Variants in SMAD1 observed in about 807,000 individuals in gnomAD.
SMAD1 encodes the protein SMAD family member 1, also known as MAD, mothers against decapentaplegic homolog 1.
A neutral mutation model predicts 41.6 loss-of-function variants in SMAD1; 6 were observed. That is an observed-to-expected ratio of 0.14 (90% CI 0.08 to 0.28). The LOEUF is 0.28. SMAD1 is among the 10% of genes least tolerant of loss of function. SMAD1 has a pLI of 1.00. For synonymous variants in SMAD1, 206 were observed against 203.2 expected (o/e 1.01, Z -0.12); for missense variants, 379 against 582.6 (o/e 0.65, Z 3.60).
chr4:145,521,458 C>T (rs375397867), intron 2 of SMAD1, among the ~76,000 whole-genome samples: 12 of 152,148 alleles, frequency 7.9e-5, no homozygotes, highest in African/African-American at 2.9e-4. Flanking sequence ...AAGGCATTAG[C>T]TTCCAGGTGC....
In SMAD1 at chr4:145,496,276, G is replaced by A. The variant is rs188176304; in HGVS notation, c.-177+14238G>A. ...ACTCTGCCTTATGCATCAAACCAAG[G>A]GGGGGACTACTGTGGAGAAGCAGTA... is the stretch of plus-strand genomic sequence containing the variant. On this transcript the variant is annotated intron_variant, in intron 1 of 6. Coordinates refer to ENST00000302085, the MANE Select transcript of SMAD1 (RefSeq NM_005900.3). Among the ~76,000 whole-genome samples the A allele has an allele frequency of 2.1e-3, 313 of 152,222 alleles. 2 individuals are homozygous for A. The highest frequency in any genetic ancestry group is 7.3e-3 in the African/African-American group (304 of 41,516).
chr4:145,512,065 G>T (rs1236510525), intron 1 of SMAD1, among the ~76,000 whole-genome samples: 1 of 152,116 alleles, frequency 6.6e-6, no homozygotes, highest in African/African-American at 2.4e-5. Context: ...TTTACGTTTG[G>T]CACTAATGAT....
chr4:145,540,015 T>C lies in SMAD1; in HGVS notation c.612T>C (p.Pro204=), dbSNP rs1034362615. The change falls in exon 3 of 7, where the codon CCT becomes CCC. Residue 204 remains proline (P), a synonymous_variant. Transcript: ENST00000302085. ...CTGGGAGCAGCAGCAGCACCTACCCTCACTCTCCCACCAGCTCAGACCCAG... is the reference window on the plus strand; with the variant it reads ...CTGGGAGCAGCAGCAGCACCTACCCCCACTCTCCCACCAGCTCAGACCCAG... ...NSPGSSSSTY[P]HSPTSSDPGS... 7.4e-6 allele frequency: 12 copies of C among 1,614,024 alleles called. No homozygotes were observed. The highest frequency in any genetic ancestry group is 1.0e-5 in the Non-Finnish European group (12 of 1,179,976).
chr4:145,556,428 C>T (rs1732840547), intron 6 of SMAD1, among the ~76,000 whole-genome samples: 1 of 151,844 alleles, frequency 6.6e-6, no homozygotes, highest in South Asian at 2.1e-4. Context: ...CATACAAGTT[C>T]TGATGTTCAG....
intron 2 of SMAD1, among the ~76,000 whole-genome samples, chr4:145,529,119 CTAGT>C (rs1391616222): frequency 6.6e-6 from 1 of 152,094 alleles, no homozygotes; most frequent in Non-Finnish European, 1.5e-5. Flanking sequence ...GTAAATTGCC[CTAGT>C]TAATCGGCTA....
At chr4:145,484,389 C>CTGGTG (rs1728360036) in intron 1 of SMAD1, 1 of 152,164 alleles carries the variant, frequency 6.6e-6, no homozygotes, top group African/African-American at 2.4e-5. Flanking sequence ...CAGCACTGAA[C>CTGGTG]TGGTGCAAAA....
intron 2 of SMAD1, among the ~76,000 whole-genome samples, chr4:145,530,855 C>T (rs1350144131): frequency 6.6e-6 from 1 of 152,230 alleles, no homozygotes; most frequent in Non-Finnish European, 1.5e-5. Flanking sequence ...TGATTCACAT[C>T]CTGGCCCTCA....
In SMAD1 at chr4:145,546,745, C is replaced by T; in HGVS notation, c.818C>T (p.Ser273Phe). 1 of 1,613,940 alleles carries T rather than the reference C, an allele frequency of 6.2e-7. No individual in the cohort carries two copies. Among genetic ancestry groups the T allele is most frequent in the Non-Finnish European group, 8.5e-7 (1 of 1,180,008 alleles). Residue 273 changes from serine to phenylalanine, a missense_variant, in exon 5 of 7, where the codon TCT (serine) becomes TTT (phenylalanine). Ser to Phe is a radical substitution (Grantham distance 155, BLOSUM62 -2). This residue lies in a region of SMAD1 where 208 missense variants were observed against 210.5 expected (regional missense o/e 0.99). Transcript: ENST00000302085. ...VAYEEPKHWC[S>F]IVYYELNNRV... ...TATGAGGAACCAAAACACTGGTGCT[C>T]TATTGTCTACTATGAGCTCAACAAT...
rs1730590773 is a variant in SMAD1, at chr4:145,519,203, C to T, written c.400+4190C>T. Among the ~76,000 whole-genome samples the T allele has an allele frequency of 2.6e-5, 2 of 77,260 alleles. 1 individual carries two copies. Among genetic ancestry groups the T allele is most frequent in the Non-Finnish European group, 7.9e-5 (2 of 25,426 alleles). 50.7% of individuals were successfully genotyped at this position (77,260 alleles called of 152,430 possible). A position where few individuals can be genotyped will look rare whatever the true frequency, so the allele number is the denominator to read the frequency against. On this transcript the variant is annotated intron_variant, in intron 2 of 6. Coordinates refer to ENST00000302085, the MANE Select transcript of SMAD1 (RefSeq NM_005900.3). ...CTCTGCCTCCCAGGATCAAGAGATT[C>T]TCCTGCCTCAGCCTCCCGAGTAGCT...
At chr4:145,541,120 A>G (rs746499374) in intron 3 of SMAD1, among the ~76,000 whole-genome samples, 67 of 152,096 alleles carry the variant, frequency 4.4e-4, no homozygotes, top group Non-Finnish European at 8.4e-4. Context: ...CTTCCTCCTC[A>G]CCACTAACCT....
chr4:145,489,541 A>G (rs144364031), intron 1 of SMAD1, among the ~76,000 whole-genome samples: 171 of 152,362 alleles, frequency 1.1e-3, no homozygotes, highest in African/African-American at 3.9e-3. Context: ...GTAATGAGAA[A>G]GAGATGTCGG....
chr4:145,553,094 T>C (rs1487615637), intron 5 of SMAD1, among the ~76,000 whole-genome samples: 1 of 149,584 alleles, frequency 6.7e-6, no homozygotes, highest in African/African-American at 2.4e-5. Context: ...TTTTTTTTTT[T>C]GTGGAGATGG....
chr4:145,534,358 CTTAAT>C (rs999583975), intron 2 of SMAD1, among the ~76,000 whole-genome samples: 11 of 152,246 alleles, frequency 7.2e-5, no homozygotes, highest in African/African-American at 2.4e-4. Context: ...TTAATCTTTA[CTTAAT>C]TTATGTATAT....
At chr4:145,491,644 G>A (rs930328803) in intron 1 of SMAD1, among the ~76,000 whole-genome samples, 11 of 152,148 alleles carry the variant, frequency 7.2e-5, no homozygotes, top group Non-Finnish European at 1.5e-4. Flanking sequence ...AATCTGGAGT[G>A]TCAAGGAGGT....
Position 145,487,617 on chromosome 4 carries a change from A to G in SMAD1, c.-177+5579A>G, listed in dbSNP as rs142089216. Among the ~76,000 whole-genome samples the G allele has an allele frequency of 6.6e-5, 10 of 152,338 alleles. No homozygotes were observed. The East Asian group carries it at 1.9e-3, about 29-fold the overall frequency. The stretch of plus-strand genomic sequence containing the variant: ...CAGCAAAAATACCTGAAGTATTTTC[A>G]TCACTCTGCTGTAGCCACCTTTAAA... On this transcript the variant is annotated intron_variant, in intron 1 of 6. Coordinates refer to ENST00000302085, the MANE Select transcript of SMAD1 (RefSeq NM_005900.3).
At chr4:145,492,005 TA>T (rs1387229084) in intron 1 of SMAD1, among the ~76,000 whole-genome samples, 3 of 151,822 alleles carry the variant, frequency 2.0e-5, no homozygotes, top group African/African-American at 7.3e-5. Context: ...TAAAACCTTA[TA>T]ATGTTTAAAA....
chr4:145,526,023 T>C (rs1442955039), intron 2 of SMAD1, among the ~76,000 whole-genome samples: 2 of 152,206 alleles, frequency 1.3e-5, no homozygotes, highest in Non-Finnish European at 2.9e-5. Context: ...CTAAAACAGC[T>C]CTCCAAGAGA....
At chr4:145,487,062 A>T (rs1052310752) in intron 1 of SMAD1, among the ~76,000 whole-genome samples, 1 of 152,166 alleles carries the variant, frequency 6.6e-6, no homozygotes, top group Non-Finnish European at 1.5e-5. Context: ...AGAAATGCTT[A>T]TTTTCTACAT....
In SMAD1 at chr4:145,546,683, T is replaced by G. The variant is rs751359471; in HGVS notation, c.776-20T>G. 2.5e-6 allele frequency: 4 copies of G among 1,584,680 alleles called. No individual in the cohort carries two copies. Among genetic ancestry groups the G allele is most frequent in the African/African-American group, 1.3e-5 (1 of 74,434 alleles). On this transcript the variant is annotated intron_variant, in intron 4 of 6. Transcript: ENST00000302085. ...CCTGAGGCACTAACCTTGGTTGATA[T>G]AACATTTTCTTTCCTCTAGATGTTC...
Sources: gnomAD v4.1 joint callset for allele counts (sites outside exome capture counted in the v4.1 genomes callset) on GRCh38, gnomAD v4.1.1 for gene constraint, gnomAD v4.1.1 regional missense constraint, MANE v1.5 for transcripts, NCBI Gene and HGNC (gene_info 2026-07-23, HGNC 2026-07-21) for gene names.